JAM2: variants seen among roughly 807,000 people sequenced by gnomAD.
JAM2 encodes junctional adhesion molecule B.
JAM2 carries 17 observed loss-of-function variants against 42.0 expected under a neutral mutation model. The ratio of observed to expected loss-of-function variants is 0.40; its 90% CI spans 0.28 to 0.61. The LOEUF (loss-of-function observed/expected upper bound fraction) is 0.61. Ranked by LOEUF, JAM2 falls within the 20% of genes least tolerant of loss-of-function variation. JAM2 has a pLI of 0.37. For synonymous variants in JAM2, 118 were observed against 128.6 expected, an observed-to-expected ratio of 0.92 and a Z score of 0.56; for missense variants, 319 against 358.3, an observed-to-expected ratio of 0.89 and a Z score of 0.89.
chr21:25,707,380 G>A (rs1180292266), intron 7 of JAM2, among the ~76,000 whole-genome samples: 1 of 152,126 alleles, frequency 6.6e-6, no homozygotes, highest in Non-Finnish European at 1.5e-5. Context: ...TACTGAGGAG[G>A]CTGAAGCAGA....
chr21:25,640,815 TTCTC>T (rs147248766), intron 1 of JAM2, among the ~76,000 whole-genome samples: 161 of 151,534 alleles, frequency 1.1e-3, no homozygotes, highest in Non-Finnish European at 1.9e-3. Flanking sequence ...TCTTCTTTCT[TTCTC>T]TCTCTCTTTC....
At chr21:25,643,335 A>G (rs1331595311) in intron 1 of JAM2, among the ~76,000 whole-genome samples, 2 of 152,300 alleles carry the variant, frequency 1.3e-5, no homozygotes, top group Non-Finnish European at 2.9e-5. Flanking sequence ...GGTCTCTCAG[A>G]GCCAAGGAGC....
intron 7 of JAM2, among the ~76,000 whole-genome samples, chr21:25,708,047 T>C (rs1385724984): frequency 6.6e-6 from 1 of 152,060 alleles, no homozygotes; most frequent in African/African-American, 2.4e-5. Context: ...AGGTTCTTGC[T>C]CTGTTGTTCA....
intron 1 of JAM2, among the ~76,000 whole-genome samples, chr21:25,653,710 G>A (rs1320339001): frequency 1.3e-5 from 2 of 152,100 alleles, no homozygotes; most frequent in African/African-American, 2.4e-5. Context: ...CCCTTTACAC[G>A]TGGGGATGAT....
chr21:25,678,340 TC>T (rs1423138405), intron 1 of JAM2, among the ~76,000 whole-genome samples: 1 of 152,190 alleles, frequency 6.6e-6, no homozygotes, highest in Admixed American at 6.5e-5. Flanking sequence ...CATTCCTTCC[TC>T]TGCTCTCTGA....
intron 4 of JAM2, among the ~76,000 whole-genome samples, chr21:25,696,643 T>C (rs971120846): frequency 6.6e-6 from 1 of 152,006 alleles, no homozygotes; most frequent in African/African-American, 2.4e-5. Flanking sequence ...GAAATAAAGG[T>C]GTTGACAAGG....
chr21:25,646,918 G>C (rs1430859282), intron 1 of JAM2, among the ~76,000 whole-genome samples: 1 of 152,096 alleles, frequency 6.6e-6, no homozygotes, highest in Admixed American at 6.5e-5. Context: ...TATTTGTTTT[G>C]TTGGGTTTTC....
At chr21:25,702,959 T>C (rs886469664) in intron 6 of JAM2, among the ~76,000 whole-genome samples, 1 of 152,174 alleles carries the variant, frequency 6.6e-6, no homozygotes, top group African/African-American at 2.4e-5. Context: ...TTCATGCAAT[T>C]CTCCTGCCTC....
At chr21:25,713,330 A>G (rs1017856068) in intron 9 of JAM2, among the ~76,000 whole-genome samples, 4 of 152,170 alleles carry the variant, frequency 2.6e-5, no homozygotes, top group African/African-American at 9.7e-5. Context: ...ACCCTTTGTA[A>G]ACACTACATT....
At chr21:25,709,530 G>C (rs2034340586) in intron 8 of JAM2, 81 bp downstream of exon 8, 1 of 921,448 alleles carries the variant, frequency 1.1e-6, no homozygotes, top group East Asian at 2.4e-5. Context: ...AGTCAAAAGA[G>C]AGAAGTTGGG....
intron 1 of JAM2, among the ~76,000 whole-genome samples, chr21:25,672,325 G>A (rs1380299108): frequency 6.6e-6 from 1 of 152,142 alleles, no homozygotes; most frequent in Non-Finnish European, 1.5e-5. Context: ...AGAAATCTGG[G>A]TGTGTATCAG....
chr21:25,708,685 T>C (rs936720748), intron 7 of JAM2, among the ~76,000 whole-genome samples: 1 of 152,162 alleles, frequency 6.6e-6, no homozygotes, highest in African/African-American at 2.4e-5. Context: ...TGGTCATCAG[T>C]GAAAGTACAG....
intron 1 of JAM2, among the ~76,000 whole-genome samples, chr21:25,659,129 G>A (rs1218924244): frequency 6.6e-6 from 1 of 152,070 alleles, no homozygotes; most frequent in Non-Finnish European, 1.5e-5. Flanking sequence ...AACTAAATGG[G>A]AGAAATATCC....
Position 25,715,501 on chromosome 21 carries a change from A to G in JAM2, c.*829A>G, listed in dbSNP as rs1279295329. ...CAAGTTTGCAGATACCTTTCCCTGC[A>G]GGAGTGGTGACTTCACATCTTTCTG... On this transcript the variant is annotated 3_prime_UTR_variant, in exon 10 of 10. Coordinates refer to ENST00000480456, the MANE Select transcript of JAM2 (RefSeq NM_021219.4). The G allele has an allele frequency of 6.6e-6, 1 of 152,246 alleles. No homozygotes were observed. Among genetic ancestry groups the G allele is most frequent in the African/African-American group, 2.4e-5 (1 of 41,462 alleles). 9.4% of individuals were successfully genotyped at this position (152,246 alleles called of 1,614,324 possible).
chr21:25,702,230 G>GATTTATTAGGAGACCATA lies in JAM2; in HGVS notation c.658_659insATTTATTAGGAGACCATA (p.Val220delinsAspLeuLeuGlyAspHisIle), dbSNP rs2034180893. The GATTTATTAGGAGACCATA allele has an allele frequency of 6.3e-7, 1 of 1,599,046 alleles. No individual in the cohort carries two copies. The highest frequency in any genetic ancestry group is 1.3e-5 in the African/African-American group (1 of 74,778). On this transcript the variant is annotated protein_altering_variant, in exon 6 of 10. Coordinates refer to ENST00000480456, the MANE Select transcript of JAM2 (RefSeq NM_021219.4). ...ATATTCCTGTGAAGCCCGCAATTCT[G>GATTTATTAGGAGACCATA]TTGGATATCGCAGGTGTCCTGGGAA...
In JAM2 at chr21:25,712,160, C is replaced by T. The variant is rs2034396344; in HGVS notation, c.822-180C>T. ...CTGATGTTTTGTTGCATGACTTTCT[C>T]TGTGAATATTGTCTGTAAATATAAG... On this transcript the variant is annotated intron_variant, in intron 8 of 9. Transcript: ENST00000480456. The T allele has an allele frequency of 7.9e-6, 5 of 631,566 alleles. No homozygotes were observed. In the East Asian group the frequency reaches 1.5e-4, roughly 19 times the overall value. The allele number at this position is 631,566 out of a possible 1,614,324, so 39.1% of individuals were successfully genotyped here. A position where few individuals can be genotyped will look rare whatever the true frequency, so the allele number is the denominator to read the frequency against.
chr21:25,712,662 A>G (rs2034407497), intron 9 of JAM2, among the ~76,000 whole-genome samples: 5 of 152,198 alleles, frequency 3.3e-5, no homozygotes. Context: ...TCTTAGTATC[A>G]CTAGGTCTGG....
intron 1 of JAM2, among the ~76,000 whole-genome samples, chr21:25,665,467 C>T (rs1417771624): frequency 6.6e-6 from 1 of 152,076 alleles, no homozygotes. Context: ...TTAGGGTTGT[C>T]CAGACAAGTA....
chr21:25,660,780 ATATTTTTTTTTTTT>A (rs1224370238), intron 1 of JAM2, among the ~76,000 whole-genome samples: 58 of 58,098 alleles, frequency 1.0e-3, no homozygotes, highest in African/African-American at 6.3e-3. Flanking sequence ...ATATATATAT[ATATTTTTTTTTTTT>A]TTTTTTTTTT....
Sources: allele counts gnomAD v4.1 joint callset (sites outside exome capture counted in the v4.1 genomes callset), GRCh38; gene constraint gnomAD v4.1.1; transcripts MANE v1.5; gene names NCBI Gene and HGNC (gene_info 2026-07-23, HGNC 2026-07-21).